Variants in TULP4 observed in about 807,000 individuals in gnomAD.
The protein encoded by TULP4 is tubby-related protein 4.
TULP4 carries 16 observed loss-of-function variants against 129.0 expected under a neutral mutation model. That is an observed-to-expected ratio of 0.12 (90% CI 0.08 to 0.19). The LOEUF (loss-of-function observed/expected upper bound fraction) is 0.19. TULP4 is among the 10% of genes least tolerant of loss of function. TULP4 has a pLI of 1.00. For synonymous variants in TULP4, 998 were observed against 854.0 expected (o/e 1.17, Z -2.94); for missense variants, 1,842 against 2,059.1 (o/e 0.89, Z 2.04).
intron 1 of TULP4, among the ~76,000 whole-genome samples, chr6:158,250,559 G>C (rs540302287): frequency 1.3e-5 from 2 of 152,312 alleles, no homozygotes; most frequent in East Asian, 3.8e-4. Context: ...AAGTCTCAAG[G>C]TTGACCATAT....
At chr6:158,454,763 G>A (rs1481688175) in intron 5 of TULP4, among the ~76,000 whole-genome samples, 3 of 151,896 alleles carry the variant, frequency 2.0e-5, no homozygotes, top group Admixed American at 6.6e-5. Context: ...ATGCCACCAC[G>A]CCTGGCTAAT....
At chr6:158,353,969 G>A (rs1780583369) in intron 1 of TULP4, among the ~76,000 whole-genome samples, 1 of 152,252 alleles carries the variant, frequency 6.6e-6, no homozygotes, top group Non-Finnish European at 1.5e-5. Context: ...ATCAGCTGCA[G>A]TGGTTGCTGT....
intron 1 of TULP4, among the ~76,000 whole-genome samples, chr6:158,261,977 T>G (rs1488012670): frequency 6.6e-6 from 1 of 152,196 alleles, no homozygotes; most frequent in East Asian, 1.9e-4. Flanking sequence ...TGACTTTCTG[T>G]TATGCTTCAT....
Position 158,503,157 on chromosome 6 carries a change from G to T in TULP4, c.3494G>T (p.Arg1165Leu), listed in dbSNP as rs144691972. The T allele has an allele frequency of 6.2e-7, 1 of 1,613,232 alleles. No individual in the cohort carries two copies. The highest frequency in any genetic ancestry group is 1.7e-5 in the Admixed American group (1 of 59,964). Residue 1165 changes from arginine to leucine, a missense_variant, in exon 13 of 14, where the codon CGA becomes CTA. Arg to Leu is a moderately radical substitution (Grantham distance 102). Transcript: ENST00000367097. This position sits in a 1 kb window ranked among gnomAD's most constrained non-coding sequence, Gnocchi z 4.3. ...CAGGGCCAGCACCTGGACGTGTCCC[G>T]ACTGCCCTTCATCTCCCCCAAGTCT... ...LSQGQHLDVS[R>L]LPFISPKSPA...
chr6:158,344,252 T>G (rs1457904989), intron 1 of TULP4, among the ~76,000 whole-genome samples: 2 of 152,154 alleles, frequency 1.3e-5, no homozygotes, highest in Non-Finnish European at 2.9e-5. Context: ...GCTGACTCTT[T>G]TTTCGGACTC....
At chr6:158,498,622 T>C in intron 11 of TULP4, 47 bp from the exon 12 acceptor site, 4 of 1,611,368 alleles carry the variant, frequency 2.5e-6, no homozygotes, top group Non-Finnish European at 3.4e-6. Context: ...ACTTTGGCTC[T>C]GCTCTGGTGT....
At chr6:158,472,407 A>G (rs1779707464) in intron 6 of TULP4, among the ~76,000 whole-genome samples, 1 of 152,242 alleles carries the variant, frequency 6.6e-6, no homozygotes, top group Admixed American at 6.5e-5. Flanking sequence ...CAGCATTTCA[A>G]TAAATTATTG....
At position 158,425,513 on chromosome 6, in the gene TULP4, CA is replaced by C. The variant is rs35469800; in HGVS notation, c.382-4200del. ...GGAAAAGAAGAGCAAAACTCCGTCT[CA>C]AAAAAAAAAAAAAAAAAAAAAATGG... On this transcript the variant is annotated intron_variant, in intron 2 of 13. Coordinates refer to ENST00000367097, the MANE Select transcript of TULP4 (RefSeq NM_020245.5). Among the ~76,000 whole-genome samples the C allele has an allele frequency of 6.2e-3, 386 of 61,892 alleles. 2 individuals carry two copies. The highest frequency in any genetic ancestry group is 0.026 in the African/African-American group (295 of 11,546). 40.6% of individuals were successfully genotyped at this position (61,892 alleles called of 152,430 possible).
chr6:158,292,436 G>A (rs1379820218), intron 1 of TULP4, among the ~76,000 whole-genome samples: 1 of 151,996 alleles, frequency 6.6e-6, no homozygotes, highest in East Asian at 1.9e-4. Context: ...ATGTGTATGT[G>A]CCTTCCATAG....
intron 1 of TULP4, among the ~76,000 whole-genome samples, chr6:158,349,217 CCGGG>C: frequency 6.8e-6 from 1 of 147,276 alleles, no homozygotes; most frequent in Non-Finnish European, 1.5e-5. Context: ...GACGGGGTGG[CCGGG>C]CAGAGGCGCT....
intron 5 of TULP4, among the ~76,000 whole-genome samples, chr6:158,459,587 G>T (rs976571880): frequency 2.7e-5 from 4 of 149,822 alleles, no homozygotes; most frequent in Non-Finnish European, 6.0e-5. Context: ...GGTCAGCTCT[G>T]CAGGGGCAAC....
intron 1 of TULP4, among the ~76,000 whole-genome samples, chr6:158,288,425 A>G (rs1778866380): frequency 6.6e-6 from 1 of 152,054 alleles, no homozygotes; most frequent in Non-Finnish European, 1.5e-5. Context: ...GATGTTTGCT[A>G]TAGATTGTAG....
intron 6 of TULP4, among the ~76,000 whole-genome samples, chr6:158,471,773 G>T (rs139133268): frequency 6.6e-6 from 1 of 152,066 alleles, no homozygotes; most frequent in Admixed American, 6.6e-5. Flanking sequence ...TGCCTAGAAC[G>T]TAGTAGGTAC....
At chr6:158,349,845 C>A (rs1440153051) in intron 1 of TULP4, among the ~76,000 whole-genome samples, 1 of 136,654 alleles carries the variant, frequency 7.3e-6, no homozygotes, top group Non-Finnish European at 1.6e-5. Flanking sequence ...CGGGCAGAGG[C>A]GCTCCTCACC....
rs998922049 is a variant in TULP4 at position 158,511,055 on chromosome 6, T to C, written c.*4361T>C. 1.3e-5 allele frequency: 2 copies of C among 152,662 alleles called. No individual in the cohort carries two copies. Among genetic ancestry groups the C allele is most frequent in the African/African-American group, 4.8e-5 (2 of 41,452 alleles). 9.5% of individuals were successfully genotyped at this position (152,662 alleles called of 1,614,324 possible). On this transcript the variant is annotated 3_prime_UTR_variant, in exon 14 of 14. Coordinates refer to ENST00000367097, the MANE Select transcript of TULP4 (RefSeq NM_020245.5). Reference sequence around the variant, plus strand: ...AACTCTTCAGCATTTGTGTGATTCCTTACCTCTGGCTGATAAAACTCTAAT... The same window carrying C: ...AACTCTTCAGCATTTGTGTGATTCCCTACCTCTGGCTGATAAAACTCTAAT...
At chr6:158,307,539 T>C (rs915023344), upstream of TULP4, among the ~76,000 whole-genome samples, 17 of 152,198 alleles carry the variant, frequency 1.1e-4, no homozygotes, top group Admixed American at 3.9e-4. Flanking sequence ...TAGAGTGCGG[T>C]GGTGTGATGT....
chr6:158,461,839 G>A (rs770597921), intron 6 of TULP4, 110 bp downstream of exon 6: 113 of 1,302,602 alleles, frequency 8.7e-5, no homozygotes, highest in Non-Finnish European at 1.0e-4. Flanking sequence ...CTTAGGTTGT[G>A]GTGGGTAAAC....
chr6:158,237,882 C>G, intron 1 of TULP4: 1 of 743,544 alleles, frequency 1.3e-6, no homozygotes, highest in Non-Finnish European at 2.5e-6. Context: ...CAGAAATAAA[C>G]TGTGCCAGGG....
chr6:158,449,621 C>T (rs1404162490), intron 4 of TULP4, among the ~76,000 whole-genome samples: 1 of 152,112 alleles, frequency 6.6e-6, no homozygotes, highest in Non-Finnish European at 1.5e-5. Flanking sequence ...ATTTGTTTTG[C>T]CATAATGAAG....
Sources: gnomAD v4.1 joint callset for allele counts (sites outside exome capture counted in the v4.1 genomes callset) on GRCh38, gnomAD v4.1.1 for gene constraint, Gnocchi (gnomAD v3.1) non-coding constraint, MANE v1.5 for transcripts, NCBI Gene and HGNC (gene_info 2026-07-23, HGNC 2026-07-21) for gene names.